CD44: variants seen among roughly 807,000 people sequenced by gnomAD.
The protein encoded by CD44 is CD44 antigen.
In CD44, 49 loss-of-function variants were observed where a neutral mutation model predicts 88.8. That is an observed-to-expected ratio of 0.55 (90% CI 0.44 to 0.70). The LOEUF is 0.70. Ranked by LOEUF, CD44 falls within the 30% of genes least tolerant of loss-of-function variation. The probability of loss-of-function intolerance (pLI) is 0.00; values close to 1 mark genes in which losing one functional copy is unlikely to be tolerated. For synonymous variants in CD44, 325 were observed against 312.3 expected (o/e 1.04, Z -0.43); for missense variants, 883 against 913.8 (o/e 0.97, Z 0.43).
At chr11:35,211,523 C>A in intron 14 of CD44, 74 bp downstream of exon 14, 3 of 1,121,722 alleles carry the variant, frequency 2.7e-6, no homozygotes, top group South Asian at 1.3e-5. Flanking sequence ...TTACAGAGGA[C>A]ATTTTCTGTG....
At position 35,145,028 on chromosome 11, in the gene CD44, A is replaced by C. The variant is rs556376864; in HGVS notation, c.67+5658A>C. ...TTTGATTCTTGTTTGCTGGATGTGG[A>C]CATATGCACATTGCAGGTATGCCTA... On this transcript the variant is annotated intron_variant, in intron 1 of 17. Coordinates refer to ENST00000428726, the MANE Select transcript of CD44 (RefSeq NM_000610.4). Among the ~76,000 whole-genome samples, 4 of 152,372 alleles carry C rather than the reference A, an allele frequency of 2.6e-5. No homozygotes were observed. In the East Asian group the frequency reaches 7.7e-4, roughly 29 times the overall value.
chr11:35,158,982 A>G (rs534416989), intron 1 of CD44, among the ~76,000 whole-genome samples: 2 of 152,202 alleles, frequency 1.3e-5, no homozygotes, highest in South Asian at 4.2e-4. Flanking sequence ...GGGCTGGAGG[A>G]AGAAATGGTG....
intron 10 of CD44, among the ~76,000 whole-genome samples, chr11:35,205,162 G>T (rs1393517412): frequency 1.3e-5 from 2 of 152,184 alleles, no homozygotes; most frequent in Admixed American, 6.5e-5. Flanking sequence ...TATAAAAAAG[G>T]TATCTTCTCT....
chr11:35,162,400 A>G (rs1942740296), intron 1 of CD44, among the ~76,000 whole-genome samples: 1 of 152,230 alleles, frequency 6.6e-6, no homozygotes, highest in African/African-American at 2.4e-5. Flanking sequence ...ACTGCACACA[A>G]GGGTCATTTG....
chr11:35,180,773 G>A (rs574001551), intron 3 of CD44, among the ~76,000 whole-genome samples: 3 of 152,248 alleles, frequency 2.0e-5, no homozygotes, highest in East Asian at 3.9e-4. Context: ...GAAAGTTTAC[G>A]GGTTTGTGTT....
At chr11:35,186,723 T>A in intron 3 of CD44, 109 bp from the exon 4 acceptor site, 1 of 633,872 alleles carries the variant, frequency 1.6e-6, no homozygotes, top group Non-Finnish European at 2.9e-6. Flanking sequence ...AAAAGAAAGT[T>A]ATTTGGAATA....
intron 11 of CD44, among the ~76,000 whole-genome samples, chr11:35,207,734 G>A (rs1412097242): frequency 1.3e-5 from 2 of 152,136 alleles, no homozygotes; most frequent in African/African-American, 4.8e-5. Flanking sequence ...ATAAAATGGT[G>A]CCTGAGCCAG....
intron 17 of CD44, among the ~76,000 whole-genome samples, chr11:35,224,768 T>A (rs1949576492): frequency 6.6e-6 from 1 of 152,004 alleles, no homozygotes; most frequent in Non-Finnish European, 1.5e-5. Flanking sequence ...AACAAAAACC[T>A]ATCTTATTTG....
chr11:35,195,816 C>T lies in CD44; in HGVS notation c.668-930C>T, dbSNP rs1183351533. Among the ~76,000 whole-genome samples the T allele has an allele frequency of 3.9e-5, 6 of 152,138 alleles. No individual in the cohort carries two copies. The East Asian group carries it at 1.2e-3, about 29-fold the overall frequency. ...TGTCTGTCTTTCCTGATTGATTATC[C>T]TATTTTCAAAGAATGAGACTCAAAA... On this transcript the variant is annotated intron_variant, in intron 5 of 17. Coordinates refer to ENST00000428726, the MANE Select transcript of CD44 (RefSeq NM_000610.4).
rs751409755 is a variant in CD44, at chr11:35,180,385, C to T, written c.345C>T (p.Asp115=). ...YILTSNTSQY[D]TYCFNASAPP... Reference sequence around the variant, plus strand: ...TCACATCCAACACCTCCCAGTATGACACATATTGCTTCAATGCTTCAGGTT... The same window carrying T: ...TCACATCCAACACCTCCCAGTATGATACATATTGCTTCAATGCTTCAGGTT... Residue 115 remains aspartate (D), a synonymous_variant, in exon 3 of 18, where the codon GAC becomes GAT. Coordinates refer to ENST00000428726, the MANE Select transcript of CD44 (RefSeq NM_000610.4). 3.8e-5 allele frequency: 62 copies of T among 1,613,986 alleles called. No homozygotes were observed. In the South Asian group the frequency reaches 6.5e-4, roughly 17 times the overall value.
At chr11:35,144,262 G>A (rs550583966) in intron 1 of CD44, among the ~76,000 whole-genome samples, 2 of 152,312 alleles carry the variant, frequency 1.3e-5, no homozygotes, top group Admixed American at 6.5e-5. Flanking sequence ...CGGCACCTTC[G>A]CTTTAGGTCA....
At chr11:35,227,274 T>A (rs1375882057) in intron 17 of CD44, among the ~76,000 whole-genome samples, 2 of 152,132 alleles carry the variant, frequency 1.3e-5, no homozygotes, top group African/African-American at 4.8e-5. Context: ...CAGCCTCGAC[T>A]TCCTGGGCTC....
chr11:35,200,939 C>G, intron 7 of CD44, 143 bp from the exon 8 acceptor site: 1 of 685,724 alleles, frequency 1.5e-6, no homozygotes, highest in South Asian at 1.7e-5. Flanking sequence ...CCTCCGCTTT[C>G]CCTCCATTTC....
chr11:35,184,310 T>G (rs991018529), intron 3 of CD44, among the ~76,000 whole-genome samples: 2 of 152,184 alleles, frequency 1.3e-5, no homozygotes, highest in Admixed American at 1.3e-4. Flanking sequence ...CAAAACTGTC[T>G]TAGGGTTTGT....
intron 2 of CD44, 136 bp from the exon 3 acceptor site, chr11:35,180,138 C>T (rs1438274872): frequency 2.6e-5 from 19 of 732,832 alleles, no homozygotes; most frequent in South Asian, 4.0e-5. Flanking sequence ...TCAAATAACT[C>T]GGTTGTTGAA....
In CD44 at chr11:35,186,905, G is replaced by T. The variant is rs758607544; in HGVS notation, c.436+5G>T. 6.5e-7 allele frequency: 1 copy of T among 1,540,402 alleles called. No individual in the cohort carries two copies. The highest frequency in any genetic ancestry group is 9.0e-7 in the Non-Finnish European group (1 of 1,113,114). The stretch of plus-strand genomic sequence containing the variant: ...TTGATGGACCAATTACCATAAGTAT[G>T]TCTCTCTTCTAATCTTAATTAAATT... On this transcript the variant is annotated splice_donor_5th_base_variant and intron_variant, in intron 4 of 17. Coordinates refer to ENST00000428726, the MANE Select transcript of CD44 (RefSeq NM_000610.4).
intron 1 of CD44, among the ~76,000 whole-genome samples, chr11:35,157,459 A>G (rs1184131920): frequency 2.6e-5 from 4 of 152,052 alleles, no homozygotes; most frequent in African/African-American, 4.8e-5. Flanking sequence ...ATTTATATCT[A>G]TCATCTATCT....
chr11:35,196,329 A>G (rs1456403176), intron 5 of CD44, among the ~76,000 whole-genome samples: 1 of 152,210 alleles, frequency 6.6e-6, no homozygotes, highest in Non-Finnish European at 1.5e-5. Context: ...TTTTCACCAC[A>G]GATCCTAATT....
intron 1 of CD44, among the ~76,000 whole-genome samples, chr11:35,145,587 G>A (rs1198128604): frequency 6.6e-6 from 1 of 152,064 alleles, no homozygotes; most frequent in Non-Finnish European, 1.5e-5. Flanking sequence ...GGGAGCCAGT[G>A]AGATGAGGAC....
Sources: gnomAD v4.1 joint callset for allele counts (sites outside exome capture counted in the v4.1 genomes callset) on GRCh38, gnomAD v4.1.1 for gene constraint, MANE v1.5 for transcripts, NCBI Gene and HGNC (gene_info 2026-07-23, HGNC 2026-07-21) for gene names.